Variants in TTC39B observed in about 807,000 individuals in gnomAD.
The protein encoded by TTC39B is tetratricopeptide repeat protein 39B.
In TTC39B, 92 loss-of-function variants were observed where a neutral mutation model predicts 96.6. The ratio of observed to expected loss-of-function variants is 0.95; its 90% confidence interval spans 0.80 to 1.13. The LOEUF is 1.13. Ranked by LOEUF, TTC39B falls within the 50% of genes most tolerant of loss-of-function variation. The pLI, the probability that TTC39B is intolerant of heterozygous loss-of-function variation, is 0.00. For synonymous variants in TTC39B, 367 were observed against 299.4 expected, an observed-to-expected ratio of 1.23 and a Z score of -2.33; for missense variants, 955 against 809.3, an observed-to-expected ratio of 1.18 and a Z score of -2.18.
intron 13 of TTC39B, among the ~76,000 whole-genome samples, chr9:15,189,237 G>A (rs957192248): frequency 6.6e-6 from 1 of 152,066 alleles, no homozygotes; most frequent in African/African-American, 2.4e-5. Context: ...GTCACACAGG[G>A]GCTAGATTCC....
At position 15,190,444 on chromosome 9, in the gene TTC39B, C is replaced by T. The variant is rs113507401; in HGVS notation, c.1105+110G>A. The T allele has an allele frequency of 6.6e-3, 5,959 of 906,902 alleles. 245 individuals carry two copies. The African/African-American group carries it at 0.085, about 13-fold the overall frequency. The allele number at this position is 906,902 out of a possible 1,614,324, so 56.2% of individuals were successfully genotyped here. On this transcript the variant is annotated intron_variant, in intron 11 of 19. Coordinates refer to ENST00000512701, the Ensembl canonical transcript of TTC39B. Reference sequence around the variant, plus strand: ...CACCGCAGCCTCAAACTCCTGGGTTCAACTGATCCTCCCACCTCAGCCTCC... The same window carrying T: ...CACCGCAGCCTCAAACTCCTGGGTTTAACTGATCCTCCCACCTCAGCCTCC...
At position 15,196,907 on chromosome 9, in the gene TTC39B, C is replaced by A. The variant is rs540433259; in HGVS notation, c.824+2954G>T. On this transcript the variant is annotated intron_variant, in intron 8 of 19. Coordinates refer to ENST00000512701, the Ensembl canonical transcript of TTC39B. ...GTCCTTTTGTAAAAAATTGCCATAG[C>A]CACCCCAACCTTCAGCAACCACCAC... is the stretch of plus-strand genomic sequence containing the variant. Among the ~76,000 whole-genome samples the A allele has an allele frequency of 2.0e-5, 3 of 152,260 alleles. No homozygotes were observed. The South Asian group carries it at 6.2e-4, about 32-fold the overall frequency.
At chr9:15,246,138 G>T (rs201645778) in intron 2 of TTC39B, among the ~76,000 whole-genome samples, 2 of 152,054 alleles carry the variant, frequency 1.3e-5, no homozygotes, top group South Asian at 4.1e-4. Flanking sequence ...CTGTAATCCC[G>T]GCTACTAGGG....
chr9:15,237,712 C>T (rs1420704137), intron 2 of TTC39B, among the ~76,000 whole-genome samples: 1 of 148,280 alleles, frequency 6.7e-6, no homozygotes, highest in East Asian at 1.9e-4. Flanking sequence ...TTTTACCAGA[C>T]ATATAAAGAC....
chr9:15,188,657 T>C (rs1818676849), intron 13 of TTC39B, among the ~76,000 whole-genome samples: 1 of 152,088 alleles, frequency 6.6e-6, no homozygotes, highest in South Asian at 2.1e-4. Context: ...AACTAGGCAA[T>C]ATAAACTTAA....
intron 2 of TTC39B, among the ~76,000 whole-genome samples, chr9:15,254,960 T>C (rs1181551240): frequency 6.6e-6 from 1 of 151,660 alleles, no homozygotes; most frequent in African/African-American, 2.4e-5. Flanking sequence ...CAAAAGCTTA[T>C]AGCTGTATTG....
intron 2 of TTC39B, among the ~76,000 whole-genome samples, chr9:15,265,155 T>G (rs527447472): frequency 6.6e-6 from 1 of 152,262 alleles, no homozygotes; most frequent in Admixed American, 6.5e-5. Flanking sequence ...GGGTTGAATT[T>G]AGGGCTTTTG....
chr9:15,270,173 GAA>G lies in TTC39B; in HGVS notation c.241-2227_241-2226del, dbSNP rs771648676. On this transcript the variant is annotated intron_variant, in intron 1 of 19. Transcript: ENST00000512701. Reference sequence around the variant, plus strand: ...CAACAGAGCAAGACTCCATCTCAAGGAAAAAAAAAAAAAGTTGTAAACAGTGG... The same window carrying G: ...CAACAGAGCAAGACTCCATCTCAAGGAAAAAAAAAAAGTTGTAAACAGTGG... 7.7e-5 allele frequency among the ~76,000 whole-genome samples: 11 copies of G among 142,214 alleles called. No individual in the cohort carries two copies. The East Asian group carries it at 1.4e-3, about 18-fold the overall frequency. The allele number at this position is 142,214 out of a possible 152,430, so 93.3% of individuals were successfully genotyped here. A position where few individuals can be genotyped will look rare whatever the true frequency, so the allele number is the denominator to read the frequency against.
At chr9:15,271,123 A>G (rs2131558137) in intron 1 of TTC39B, among the ~76,000 whole-genome samples, 2 of 151,510 alleles carry the variant, frequency 1.3e-5, no homozygotes, top group Middle Eastern at 6.8e-3. Context: ...CTTGGAAATT[A>G]GACAGTTGGG....
At chr9:15,220,410 T>C (rs572147509) in intron 3 of TTC39B, among the ~76,000 whole-genome samples, 1 of 152,324 alleles carries the variant, frequency 6.6e-6, no homozygotes, top group Admixed American at 6.5e-5. Context: ...CTGTGTTAGA[T>C]GGCGAGACTT....
chr9:15,173,940 C>G (rs1817792199), intron 19 of TTC39B, among the ~76,000 whole-genome samples: 1 of 152,106 alleles, frequency 6.6e-6, no homozygotes, highest in Non-Finnish European at 1.5e-5. Context: ...CATCATTGAC[C>G]CAGTGGCTCA....
At chr9:15,214,068 C>A (rs1820358395) in intron 4 of TTC39B, 71 bp downstream of exon 4, 1 of 1,179,494 alleles carries the variant, frequency 8.5e-7, no homozygotes, top group Non-Finnish European at 1.2e-6. Flanking sequence ...AATTAATTTA[C>A]AAGCATGACA....
At chr9:15,193,620 T>G (rs1253888070) in intron 8 of TTC39B, among the ~76,000 whole-genome samples, 1 of 152,206 alleles carries the variant, frequency 6.6e-6, no homozygotes, top group Non-Finnish European at 1.5e-5. Context: ...CCTGGGTCAT[T>G]TATTTTTTAT....
chr9:15,285,679 C>T (rs1823945150), intron 1 of TTC39B, among the ~76,000 whole-genome samples: 1 of 152,082 alleles, frequency 6.6e-6, no homozygotes, highest in South Asian at 2.1e-4. Context: ...ACGATGAAAC[C>T]CCGTCTCTAC....
intron 15 of TTC39B, 35 bp downstream of exon 15, chr9:15,186,909 C>T: frequency 6.3e-7 from 1 of 1,594,764 alleles, no homozygotes; most frequent in Non-Finnish European, 8.6e-7. Context: ...TTTATACCCT[C>T]AGAGCCTTTG....
At chr9:15,201,725 C>T (rs913335640) in intron 7 of TTC39B, among the ~76,000 whole-genome samples, 4 of 152,092 alleles carry the variant, frequency 2.6e-5, no homozygotes, top group Admixed American at 1.3e-4. Flanking sequence ...TATGCAAACC[C>T]GTCAGTGGCT....
At chr9:15,278,209 A>G (rs1823620448) in intron 1 of TTC39B, among the ~76,000 whole-genome samples, 1 of 152,202 alleles carries the variant, frequency 6.6e-6, no homozygotes. Flanking sequence ...TAAAAGAAAA[A>G]TCGTGTATAT....
chr9:15,170,287 G>A (rs1015744588), exon 20 of TTC39B: 4 of 101,420 alleles, frequency 3.9e-5, no homozygotes, highest in African/African-American at 1.2e-4. Flanking sequence ...CCATGTGGCA[G>A]GGAACGGCAG....
At chr9:15,208,774 C>T (rs1820021221) in intron 6 of TTC39B, among the ~76,000 whole-genome samples, 1 of 152,086 alleles carries the variant, frequency 6.6e-6, no homozygotes. Flanking sequence ...GAAATAAGTC[C>T]CAAAGATGTG....
Sources: allele counts gnomAD v4.1 joint callset (sites outside exome capture counted in the v4.1 genomes callset), GRCh38; gene constraint gnomAD v4.1.1; transcripts MANE v1.5; gene names NCBI Gene and HGNC (gene_info 2026-07-23, HGNC 2026-07-21).